Variants in NCBP3 observed in about 807,000 individuals in gnomAD.
NCBP3 encodes nuclear cap-binding protein subunit 3.
Under a neutral mutation model 75.7 loss-of-function variants are expected in NCBP3, and 20 were observed. The ratio of observed to expected loss-of-function variants is 0.26; its 90% CI spans 0.19 to 0.38. NCBP3 has a LOEUF of 0.38. Among genes scored for constraint, NCBP3 ranks in the 10% least tolerant of loss-of-function variants. The pLI, the probability that NCBP3 is intolerant of heterozygous loss-of-function variation, is 1.00. For missense variants in NCBP3, 678 were observed against 796.9 expected, an observed-to-expected ratio of 0.85 and a Z score of 1.80; for synonymous variants, 293 against 290.5, an observed-to-expected ratio of 1.01 and a Z score of -0.09.
intron 4 of NCBP3, among the ~76,000 whole-genome samples, chr17:3,827,044 G>A (rs376553068): frequency 4.2e-5 from 6 of 144,244 alleles, no homozygotes; most frequent in Middle Eastern, 3.5e-3. Flanking sequence ...AGAATGGAAC[G>A]GAACGGAAAG....
At chr17:3,825,995 G>C in intron 5 of NCBP3, 92 bp downstream of exon 5, 10 of 1,465,504 alleles carry the variant, frequency 6.8e-6, no homozygotes, top group Non-Finnish European at 9.2e-6. Context: ...AGAAACACTT[G>C]GTGATGAGAT....
chr17:3,826,799 G>C (rs1261940783), intron 4 of NCBP3, among the ~76,000 whole-genome samples: 1 of 152,012 alleles, frequency 6.6e-6, no homozygotes, highest in East Asian at 1.9e-4. Flanking sequence ...GGATCACGAG[G>C]TCAGGAGATC....
rs569071696 is a variant in NCBP3, at chr17:3,803,598, T to G, written c.*9446A>C. Reference sequence around the variant, plus strand: ...CAAATGGTTCATGGTTCAGAGAGGATAGGAAGAAACAGGGGTGAGGGAGAA... The same window carrying G: ...CAAATGGTTCATGGTTCAGAGAGGAGAGGAAGAAACAGGGGTGAGGGAGAA... On this transcript the variant is annotated 3_prime_UTR_variant, in exon 13 of 13. Transcript: ENST00000389005. The G allele has an allele frequency of 6.6e-6, 1 of 152,038 alleles. No individual in the cohort carries two copies. The highest frequency in any genetic ancestry group is 2.4e-5 in the African/African-American group (1 of 41,356). The allele number at this position is 152,038 out of a possible 1,614,324, so 9.4% of individuals were successfully genotyped here.
Position 3,813,183 on chromosome 17 carries a change from G to A in NCBP3, c.1724C>T (p.Ser575Phe). 6.2e-7 allele frequency: 1 copy of A among 1,614,252 alleles called. No homozygotes were observed. Among genetic ancestry groups the A allele is most frequent in the Non-Finnish European group, 8.5e-7 (1 of 1,180,050 alleles). The change falls in exon 13 of 13, where the codon TCT (serine) becomes TTT (phenylalanine). Residue 575 changes from serine (S) to phenylalanine (F), a missense_variant. By Grantham distance (155) the Ser-to-Phe change is radical. Around this residue, in one of 7 missense-constraint regions of NCBP3, gnomAD observed 365 missense variants for 392.7 expected, o/e 0.93. Coordinates refer to ENST00000389005, the MANE Select transcript of NCBP3 (RefSeq NM_001114118.3). The stretch of plus-strand genomic sequence containing the variant: ...AGCCCCCCATGCCCTTTGCAGCTCA[G>A]AGTCGTCTTCCTCAGCGCCAGGCGC... ...HRAPGAEEDDSELQRAWGALI... is the reference protein window; with the variant it reads ...HRAPGAEEDDFELQRAWGALI...
rs1403344824 is a variant in NCBP3, at chr17:3,804,926, C to T, written c.*8118G>A. 2 of 152,238 alleles carry T rather than the reference C, an allele frequency of 1.3e-5. No individual in the cohort carries two copies. Among genetic ancestry groups the T allele is most frequent in the Non-Finnish European group, 2.9e-5 (2 of 68,078 alleles). The allele number at this position is 152,238 out of a possible 1,614,324, so 9.4% of individuals were successfully genotyped here. ...CCTCCAGAATCAGGACTCTGAACCA[C>T]CACAAACTCTCCTGCCTTCAGCTCT... On this transcript the variant is annotated 3_prime_UTR_variant, in exon 13 of 13. Transcript: ENST00000389005.
chr17:3,814,118 A>G (rs1177943563), intron 12 of NCBP3, among the ~76,000 whole-genome samples: 1 of 152,060 alleles, frequency 6.6e-6, no homozygotes, highest in East Asian at 1.9e-4. Flanking sequence ...GGAGTGTGCT[A>G]TTTTTTTCTA....
In NCBP3 at chr17:3,812,881, G is replaced by T; in HGVS notation, c.*163C>A. 1 of 1,440,734 alleles carries T rather than the reference G, an allele frequency of 6.9e-7. No homozygotes were observed. The highest frequency in any genetic ancestry group is 9.1e-7 in the Non-Finnish European group (1 of 1,100,904). The allele number at this position is 1,440,734 out of a possible 1,614,324, so 89.2% of individuals were successfully genotyped here. On this transcript the variant is annotated 3_prime_UTR_variant, in exon 13 of 13. Coordinates refer to ENST00000389005, the MANE Select transcript of NCBP3 (RefSeq NM_001114118.3). Reference sequence around the variant, plus strand: ...GAAAGATAGAGATGCCCTTGAAAATGTGTCACATTCTTAAGATGTCTTGCC... The same window carrying T: ...GAAAGATAGAGATGCCCTTGAAAATTTGTCACATTCTTAAGATGTCTTGCC...
At chr17:3,822,120 T>C in intron 7 of NCBP3, 68 bp from the exon 8 acceptor site, 1 of 1,129,632 alleles carries the variant, frequency 8.9e-7, no homozygotes, top group Non-Finnish European at 1.3e-6. Context: ...AATTTTTTTT[T>C]TAATGTTTTC....
Position 3,814,302 on chromosome 17 carries a change from C to A in NCBP3, c.1627+20G>T, listed in dbSNP as rs769525305. The A allele has an allele frequency of 1.2e-6, 2 of 1,612,264 alleles. No homozygotes were observed. Among genetic ancestry groups the A allele is most frequent in the Non-Finnish European group, 1.7e-6 (2 of 1,179,178 alleles). ...GCTCTCACTGAATCCCCATTCCCAT[C>A]CGTTTTAAGTGTTACCAACCTGATT... is the stretch of plus-strand genomic sequence containing the variant. On this transcript the variant is annotated intron_variant, in intron 12 of 12. Transcript: ENST00000389005.
chr17:3,835,674 C>T (rs1050414457), intron 3 of NCBP3, among the ~76,000 whole-genome samples: 27 of 152,238 alleles, frequency 1.8e-4, no homozygotes, highest in Non-Finnish European at 3.7e-4. Flanking sequence ...TTCAGGCAGC[C>T]GCCAAAAGAC....
intron 9 of NCBP3, among the ~76,000 whole-genome samples, chr17:3,820,691 G>A (rs1379124054): frequency 2.6e-5 from 4 of 152,196 alleles, no homozygotes; most frequent in Non-Finnish European, 5.9e-5. Context: ...CCAGCACTCT[G>A]GGAGGCCAAA....
At chr17:3,834,307 A>G (rs1175237289) in intron 3 of NCBP3, among the ~76,000 whole-genome samples, 1 of 152,256 alleles carries the variant, frequency 6.6e-6, no homozygotes, top group African/African-American at 2.4e-5. Context: ...GTTCACTGCC[A>G]TAAGAGATTA....
chr17:3,839,047 T>G (rs547600008), intron 3 of NCBP3, among the ~76,000 whole-genome samples: 39 of 152,218 alleles, frequency 2.6e-4, no homozygotes, highest in Admixed American at 7.9e-4. Flanking sequence ...GGAAGCCTTC[T>G]GCATTCATGG....
rs975870544 is a variant in NCBP3 at position 3,826,100 on chromosome 17, C to T, written c.597G>A (p.Glu199=). 1.3e-6 allele frequency: 2 copies of T among 1,549,376 alleles called. No individual in the cohort carries two copies. The highest frequency in any genetic ancestry group is 1.7e-6 in the Non-Finnish European group (2 of 1,146,322). The change falls in exon 5 of 13, where the codon GAG becomes GAA. Residue 199 remains glutamate, a synonymous_variant. Transcript: ENST00000389005. ...TTGTGTTGTTACCTTTTTTCCTTTT[C>T]TCAGCTGACTTGTCCTCACTGGCAT... ...SRDASEDKSA[E]KRKKDKQEDS...
At chr17:3,814,780 A>C (rs1008219910) in intron 11 of NCBP3, among the ~76,000 whole-genome samples, 1 of 152,134 alleles carries the variant, frequency 6.6e-6, no homozygotes, top group South Asian at 2.1e-4. Flanking sequence ...AATTTACAAA[A>C]GTTTCAGCGA....
chr17:3,827,065 G>C (rs1409190335), intron 4 of NCBP3, among the ~76,000 whole-genome samples: 1 of 130,564 alleles, frequency 7.7e-6, no homozygotes, highest in Non-Finnish European at 1.6e-5. Context: ...GAAAAGGGAA[G>C]GGGGAAGGGT....
chr17:3,815,365 T>C (rs1485368030), intron 11 of NCBP3, among the ~76,000 whole-genome samples: 1 of 152,232 alleles, frequency 6.6e-6, no homozygotes, highest in African/African-American at 2.4e-5. Flanking sequence ...CGAGTAGATC[T>C]ATGACGGCTC....
chr17:3,826,014 G>A lies in NCBP3; in HGVS notation c.610+73C>T, dbSNP rs571417130. On this transcript the variant is annotated intron_variant, in intron 5 of 12. Transcript: ENST00000389005. ...ACACTTGGTGATGAGATGCTATATAGAGCTCTGCTCAGAAACAGGACTGTG... is the reference window on the plus strand; with the variant it reads ...ACACTTGGTGATGAGATGCTATATAAAGCTCTGCTCAGAAACAGGACTGTG... 2.1e-5 allele frequency: 31 copies of A among 1,504,586 alleles called. No homozygotes were observed. In the East Asian group the frequency reaches 6.2e-4, roughly 30 times the overall value. 93.2% of individuals were successfully genotyped at this position (1,504,586 alleles called of 1,614,324 possible).
intron 1 of NCBP3, among the ~76,000 whole-genome samples, chr17:3,843,802 C>T (rs570229320): frequency 6.6e-5 from 10 of 152,326 alleles, no homozygotes; most frequent in Admixed American, 2.0e-4. Flanking sequence ...GTCTCAGCCT[C>T]CCAAAGTGCT....
Sources: allele counts gnomAD v4.1 joint callset (sites outside exome capture counted in the v4.1 genomes callset), GRCh38; gene constraint gnomAD v4.1.1; regional missense constraint gnomAD v4.1.1; transcripts MANE v1.5; gene names NCBI Gene and HGNC (gene_info 2026-07-23, HGNC 2026-07-21).